The following ABCC9 variants were observed in gnomAD, a reference collection of about 807,000 sequenced individuals.
The protein encoded by ABCC9 is ATP binding cassette subfamily C member 9.
In ABCC9, 95 loss-of-function variants were observed where a neutral mutation model predicts 188.3. The observed-to-expected ratio is 0.50, with a 90% CI of 0.43 to 0.60. The LOEUF (loss-of-function observed/expected upper bound fraction) is 0.60. Ranked by LOEUF, ABCC9 falls within the 20% of genes least tolerant of loss-of-function variation. The pLI is 0.00. For missense variants in ABCC9, 1,102 were observed against 1,876.3 expected (o/e 0.59, Z 7.62); for synonymous variants, 659 against 652.7 (o/e 1.01, Z -0.15).
At chr12:21,827,534 AC>A (rs1565708037) in intron 31 of ABCC9, 1 of 86,736 alleles carries the variant, frequency 1.2e-5, no homozygotes, top group East Asian at 2.3e-4. Flanking sequence ...AACAACACAC[AC>A]ACACACACAC....
chr12:21,836,252 A>G (rs139973412), intron 30 of ABCC9, among the ~76,000 whole-genome samples: 3 of 152,212 alleles, frequency 2.0e-5, no homozygotes, highest in African/African-American at 4.8e-5. Flanking sequence ...TTCCTGCTCA[A>G]AATTCTTCAG....
intron 26 of ABCC9, among the ~76,000 whole-genome samples, 185 bp from the exon 27 acceptor site, chr12:21,845,100 G>T (rs1349928000): frequency 6.6e-6 from 1 of 151,546 alleles, no homozygotes; most frequent in Non-Finnish European, 1.5e-5. Context: ...CACAGGCCAA[G>T]CCTCCACCTG....
intron 3 of ABCC9, 117 bp from the exon 4 acceptor site, chr12:21,934,040 A>C: frequency 1.0e-6 from 1 of 971,896 alleles, no homozygotes; most frequent in Non-Finnish European, 1.6e-6. Flanking sequence ...CTGAAACCTT[A>C]AAACTTTCTA....
At position 21,914,534 on chromosome 12, in the gene ABCC9, A is replaced by G. The variant is rs1592222186; in HGVS notation, c.816+1134T>C. Among the ~76,000 whole-genome samples, 4 of 152,160 alleles carry G rather than the reference A, an allele frequency of 2.6e-5. No homozygotes were observed. In the South Asian group the frequency reaches 8.3e-4, roughly 32 times the overall value. On this transcript the variant is annotated intron_variant, in intron 7 of 39. Transcript: ENST00000261200. ...CTAAATTTTAGTCACTAATTAATGTAAGGTTTTTAATTTCTCCAAAGTGAT... is the reference window on the plus strand; with the variant it reads ...CTAAATTTTAGTCACTAATTAATGTGAGGTTTTTAATTTCTCCAAAGTGAT...
rs146521409 is a variant in ABCC9 at position 21,909,431 on chromosome 12, A to G, written c.1320+726T>C. ...GATCTAGCACTTAAGCTTCATCTAC[A>G]GAATGCAAAACTTGAGATAATTAAA... On this transcript the variant is annotated intron_variant, in intron 10 of 39. Transcript: ENST00000261200. 2.0e-3 allele frequency among the ~76,000 whole-genome samples: 301 copies of G among 152,096 alleles called. 1 individual carries two copies. Among genetic ancestry groups the G allele is most frequent in the African/African-American group, 7.0e-3 (289 of 41,562 alleles).
intron 39 of ABCC9, among the ~76,000 whole-genome samples, chr12:21,801,503 C>G (rs551825348): frequency 4.9e-4 from 74 of 152,174 alleles, no homozygotes; most frequent in African/African-American, 1.3e-3. Context: ...TTAAGAGAGG[C>G]CATTGTAAAC....
chr12:21,815,865 T>A lies in ABCC9; in HGVS notation c.3921A>T (p.Pro1307=). The A allele has an allele frequency of 1.2e-6, 2 of 1,613,422 alleles. No homozygotes were observed. The highest frequency in any genetic ancestry group is 1.7e-6 in the Non-Finnish European group (2 of 1,179,662). ...CATGTATCTTGATCTCCCCTTCTTG[T>A]GGCCAATGTTCTGGAACTTGAGAAG... The part of the protein sequence containing the change: ...MDPSQVPEHW[P]QEGEIKIHDL... Residue 1307 remains proline, a synonymous_variant, in exon 34 of 40, where the codon CCA becomes CCT. Transcript: ENST00000261200.
chr12:21,865,724 T>C (rs1241421189), intron 18 of ABCC9, among the ~76,000 whole-genome samples: 1 of 152,170 alleles, frequency 6.6e-6, no homozygotes, highest in Admixed American at 6.6e-5. Context: ...GGATTAAGAA[T>C]TCATCAATCT....
At chr12:21,822,563 GT>G (rs1464623080) in intron 31 of ABCC9, among the ~76,000 whole-genome samples, 2 of 152,042 alleles carry the variant, frequency 1.3e-5, no homozygotes, top group Non-Finnish European at 2.9e-5. Flanking sequence ...ACTTTGGGAG[GT>G]CAAGGCGGTC....
Position 21,917,106 on chromosome 12 carries a change from G to A in ABCC9, c.407-3C>T, listed in dbSNP as rs775947298. ...CATTACCCAATACAGGAACAGGGCTGAAAAGAAAAAGACAAAAAGAGAAAG... is the reference window on the plus strand; with the variant it reads ...CATTACCCAATACAGGAACAGGGCTAAAAAGAAAAAGACAAAAAGAGAAAG... On this transcript the variant is annotated splice_region_variant and splice_polypyrimidine_tract_variant and intron_variant, in intron 5 of 39. Transcript: ENST00000261200. 1 of 1,613,224 alleles carries A rather than the reference G, an allele frequency of 6.2e-7. No homozygotes were observed. Among genetic ancestry groups the A allele is most frequent in the Non-Finnish European group, 8.5e-7 (1 of 1,179,424 alleles).
chr12:21,889,413 T>C (rs943723529), intron 14 of ABCC9, among the ~76,000 whole-genome samples: 1 of 152,186 alleles, frequency 6.6e-6, no homozygotes, highest in Non-Finnish European at 1.5e-5. Context: ...ATTCTGTTCT[T>C]ATGTTTTGAA....
rs373428857 is a variant in ABCC9, at chr12:21,894,891, T to C, written c.1659+384A>G. Among the ~76,000 whole-genome samples, 96 of 152,368 alleles carry C rather than the reference T, an allele frequency of 6.3e-4. 3 individuals carry two copies. The South Asian group carries it at 0.019, about 30-fold the overall frequency. ...CTAGCTCCATCTTGTTGTAAGAGTATCTGGGAACCAGATCGTTGAGATTAG... is the reference window on the plus strand; with the variant it reads ...CTAGCTCCATCTTGTTGTAAGAGTACCTGGGAACCAGATCGTTGAGATTAG... On this transcript the variant is annotated intron_variant, in intron 13 of 39. Coordinates refer to ENST00000261200, the MANE Select transcript of ABCC9 (RefSeq NM_020297.4).
At chr12:21,873,554 T>C (rs760198719) in intron 17 of ABCC9, among the ~76,000 whole-genome samples, 2 of 152,036 alleles carry the variant, frequency 1.3e-5, no homozygotes, top group African/African-American at 2.4e-5. Flanking sequence ...TTTACAGAAA[T>C]AGAAAAATCA....
At chr12:21,894,867 T>G (rs894247729) in intron 13 of ABCC9, among the ~76,000 whole-genome samples, 2 of 152,256 alleles carry the variant, frequency 1.3e-5, no homozygotes, top group Non-Finnish European at 2.9e-5. Flanking sequence ...GTTATTGATC[T>G]AGCTCCATCT....
At chr12:21,857,316 A>G (rs1432162545) in intron 22 of ABCC9, among the ~76,000 whole-genome samples, 2 of 152,192 alleles carry the variant, frequency 1.3e-5, no homozygotes, top group East Asian at 3.8e-4. Context: ...CTTGGCCTAG[A>G]GAAATGTAAA....
chr12:21,936,383 T>C (rs897849127), intron 3 of ABCC9, 150 bp downstream of exon 3: 3 of 725,842 alleles, frequency 4.1e-6, no homozygotes, highest in Non-Finnish European at 6.6e-6. Context: ...CAAAAATATA[T>C]GTTTGAAAAA....
chr12:21,817,248 A>G lies in ABCC9; in HGVS notation c.3831T>C (p.Gly1277=). The G allele has an allele frequency of 6.2e-7, 1 of 1,613,748 alleles. No individual in the cohort carries two copies. The highest frequency in any genetic ancestry group is 1.1e-5 in the South Asian group (1 of 91,072). Residue 1277 remains glycine, a synonymous_variant, in exon 33 of 40, where the codon GGT becomes GGC. Transcript: ENST00000261200. Reference sequence around the variant, plus strand: ...GGAAACTGTTCACCTTCTTCACTGCACCCATCTGGACCTCCAGGTCAGCCA... The same window carrying G: ...GGAAACTGTTCACCTTCTTCACTGCGCCCATCTGGACCTCCAGGTCAGCCA... ...RNLADLEVQM[G]AVKKVNSFLT...
At chr12:21,803,126 T>C (rs1043452653) in intron 39 of ABCC9, among the ~76,000 whole-genome samples, 1 of 151,912 alleles carries the variant, frequency 6.6e-6, no homozygotes, top group Admixed American at 6.6e-5. Context: ...TGGAGCCTAA[T>C]GTTTATTTAT....
At chr12:21,938,594 A>C (rs892900615) in intron 2 of ABCC9, among the ~76,000 whole-genome samples, 13 of 152,216 alleles carry the variant, frequency 8.5e-5, no homozygotes, top group Non-Finnish European at 1.5e-4. Flanking sequence ...CTCTTAATTG[A>C]AAGACATATA....
Sources: allele counts gnomAD v4.1 joint callset (sites outside exome capture counted in the v4.1 genomes callset), GRCh38; gene constraint gnomAD v4.1.1; transcripts MANE v1.5; gene names NCBI Gene and HGNC (gene_info 2026-07-23, HGNC 2026-07-21).